The following ACVR2A variants were observed in gnomAD, a reference collection of about 807,000 sequenced individuals.
ACVR2A encodes the protein activin receptor type-2A.
Under a neutral mutation model 61.4 loss-of-function variants are expected in ACVR2A, and 7 were observed. The ratio of observed to expected loss-of-function variants is 0.11; its 90% CI spans 0.06 to 0.21. The LOEUF (loss-of-function observed/expected upper bound fraction) is 0.21. Ranked by LOEUF, ACVR2A falls within the 10% of genes least tolerant of loss-of-function variation. The pLI is 1.00. For synonymous variants in ACVR2A, 193 were observed against 208.3 expected (o/e 0.93, Z 0.63); for missense variants, 322 against 621.7 (o/e 0.52, Z 5.13).
Position 147,929,871 on chromosome 2 carries a change from T to G in ACVR2A, c.*2597T>G, listed in dbSNP as rs889684518. 1 of 152,532 alleles carries G rather than the reference T, an allele frequency of 6.6e-6. No individual in the cohort carries two copies. Among genetic ancestry groups the G allele is most frequent in the African/African-American group, 2.4e-5 (1 of 41,442 alleles). 9.4% of individuals were successfully genotyped at this position (152,532 alleles called of 1,614,324 possible). On this transcript the variant is annotated 3_prime_UTR_variant, in exon 11 of 11. Coordinates refer to ENST00000241416, the MANE Select transcript of ACVR2A (RefSeq NM_001616.5). ...TTGCCTTTCTGATACCCATCAGAAC[T>G]GCTGCTGCTCTAACTTATACTCTTT...
At chr2:147,861,315 C>A (rs1685723270) in intron 1 of ACVR2A, among the ~76,000 whole-genome samples, 1 of 152,026 alleles carries the variant, frequency 6.6e-6, no homozygotes, top group Non-Finnish European at 1.5e-5. Context: ...GTTTAGGATG[C>A]AAGTAGTGTT....
intron 1 of ACVR2A, among the ~76,000 whole-genome samples, chr2:147,884,605 A>G (rs941953518): frequency 4.6e-5 from 7 of 152,190 alleles, no homozygotes; most frequent in Admixed American, 3.3e-4. Context: ...TTTATAAGAT[A>G]AAACATTTAG....
intron 5 of ACVR2A, among the ~76,000 whole-genome samples, 184 bp downstream of exon 5, chr2:147,915,518 CATT>C (rs1160964934): frequency 1.3e-5 from 2 of 151,828 alleles, no homozygotes; most frequent in African/African-American, 2.4e-5. Flanking sequence ...ATATAACAAT[CATT>C]ATGTTTGTCT....
intron 9 of ACVR2A, among the ~76,000 whole-genome samples, chr2:147,923,353 T>C (rs1687431342): frequency 6.6e-6 from 1 of 152,014 alleles, no homozygotes; most frequent in Admixed American, 6.6e-5. Context: ...CTTAAGGTTA[T>C]TTCCTAAAAC....
chr2:147,891,967 T>TTTTTG (rs1553444011), intron 1 of ACVR2A, among the ~76,000 whole-genome samples: 1 of 151,974 alleles, frequency 6.6e-6, no homozygotes, highest in Non-Finnish European at 1.5e-5. Flanking sequence ...TTTTTTGTTT[T>TTTTTG]TTTTGTTTTG....
chr2:147,845,425 G>A (rs943021020), intron 1 of ACVR2A, among the ~76,000 whole-genome samples: 1 of 146,932 alleles, frequency 6.8e-6, no homozygotes, highest in African/African-American at 2.5e-5. Context: ...TTGGGTCGGC[G>A]AGCTGATAAG....
chr2:147,860,228 G>A (rs1486516665), intron 1 of ACVR2A, among the ~76,000 whole-genome samples: 1 of 152,114 alleles, frequency 6.6e-6, no homozygotes, highest in Non-Finnish European at 1.5e-5. Context: ...ACAGAATTGA[G>A]GATGAGGTTT....
At chr2:147,889,483 G>T (rs1471913836) in intron 1 of ACVR2A, among the ~76,000 whole-genome samples, 1 of 152,104 alleles carries the variant, frequency 6.6e-6, no homozygotes, top group Non-Finnish European at 1.5e-5. Context: ...AGTGGCTCAC[G>T]CCTGTAATCC....
chr2:147,910,939 G>C (rs373759192), intron 4 of ACVR2A, among the ~76,000 whole-genome samples: 5 of 152,124 alleles, frequency 3.3e-5, no homozygotes, highest in Non-Finnish European at 7.4e-5. Flanking sequence ...TATGGTGCAC[G>C]CACATAGCCA....
intron 1 of ACVR2A, among the ~76,000 whole-genome samples, chr2:147,864,374 C>T (rs1385139261): frequency 3.3e-5 from 5 of 152,016 alleles, no homozygotes; most frequent in Admixed American, 1.3e-4. Flanking sequence ...GGATTACATG[C>T]GCGCTCTACA....
intron 4 of ACVR2A, among the ~76,000 whole-genome samples, chr2:147,905,494 T>A (rs1315502730): frequency 6.6e-6 from 1 of 152,114 alleles, no homozygotes; most frequent in African/African-American, 2.4e-5. Flanking sequence ...TATTTGCAAC[T>A]GTATTGTTTT....
At chr2:147,869,382 A>G (rs559768354) in intron 1 of ACVR2A, among the ~76,000 whole-genome samples, 2 of 152,336 alleles carry the variant, frequency 1.3e-5, no homozygotes, top group East Asian at 3.9e-4. Context: ...CCCTTAAGCC[A>G]ATAATCTAGT....
chr2:147,871,218 A>AT (rs1028015655), intron 1 of ACVR2A, among the ~76,000 whole-genome samples: 49 of 148,002 alleles, frequency 3.3e-4, no homozygotes, highest in African/African-American at 4.7e-4. Context: ...CTCAGACTTG[A>AT]TTTTTTTTTT....
intron 4 of ACVR2A, among the ~76,000 whole-genome samples, chr2:147,907,091 T>G (rs1055817902): frequency 1.3e-5 from 2 of 152,108 alleles, no homozygotes; most frequent in African/African-American, 2.4e-5. Context: ...ACATGTGGTG[T>G]TTGGGTTTCT....
chr2:147,863,626 C>G (rs560575787), intron 1 of ACVR2A, among the ~76,000 whole-genome samples: 1 of 152,206 alleles, frequency 6.6e-6, no homozygotes, highest in Admixed American at 6.5e-5. Context: ...TAAGAAAAAT[C>G]ATAAGGGAGG....
At chr2:147,859,863 ACAGAAGCTCAC>A (rs202121403) in intron 1 of ACVR2A, among the ~76,000 whole-genome samples, 513 of 152,262 alleles carry the variant, frequency 3.4e-3, no homozygotes, top group East Asian at 8.3e-3. Flanking sequence ...TGAGATTGAA[ACAGAAGCTCAC>A]CAGAAGCTCA....
chr2:147,875,445 A>C (rs1464445892), intron 1 of ACVR2A, among the ~76,000 whole-genome samples: 1 of 152,052 alleles, frequency 6.6e-6, no homozygotes, highest in Admixed American at 6.6e-5. Context: ...AAAAATTTTT[A>C]TTTAATCCTA....
At chr2:147,875,240 AC>A (rs1686123505) in intron 1 of ACVR2A, among the ~76,000 whole-genome samples, 1 of 151,948 alleles carries the variant, frequency 6.6e-6, no homozygotes, top group South Asian at 2.1e-4. Context: ...TACCCATAAT[AC>A]TCTTTTCCAT....
chr2:147,892,657 T>TA (rs550226494), intron 1 of ACVR2A, among the ~76,000 whole-genome samples: 210 of 151,880 alleles, frequency 1.4e-3, no homozygotes, highest in African/African-American at 5.0e-3. Flanking sequence ...TTAGTAAAAT[T>TA]ACAGTCTCTT....
Sources: gnomAD v4.1 joint callset for allele counts (sites outside exome capture counted in the v4.1 genomes callset) on GRCh38, gnomAD v4.1.1 for gene constraint, MANE v1.5 for transcripts, NCBI Gene and HGNC (gene_info 2026-07-23, HGNC 2026-07-21) for gene names.